The following UNC5D variants were observed in gnomAD, a reference collection of about 807,000 sequenced individuals.
UNC5D encodes the protein netrin receptor UNC5D.
A neutral mutation model predicts 105.4 loss-of-function variants in UNC5D; 39 were observed. The observed-to-expected ratio is 0.37, with a 90% CI of 0.29 to 0.48. UNC5D has a LOEUF of 0.48. UNC5D is among the 20% of genes least tolerant of loss of function. The pLI, the probability that UNC5D is intolerant of heterozygous loss-of-function variation, is 0.98. For synonymous variants in UNC5D, 452 were observed against 450.4 expected, an observed-to-expected ratio of 1.00 and a Z score of -0.04; for missense variants, 991 against 1,202.4, an observed-to-expected ratio of 0.82 and a Z score of 2.60.
chr8:35,712,618 A>G (rs1346257082), intron 8 of UNC5D, among the ~76,000 whole-genome samples: 4 of 152,162 alleles, frequency 2.6e-5, no homozygotes, highest in African/African-American at 9.7e-5. Flanking sequence ...CCTTTCCCCA[A>G]AATGCAGAGG....
At chr8:35,240,235 C>A (rs942632105) in intron 1 of UNC5D, among the ~76,000 whole-genome samples, 1 of 152,184 alleles carries the variant, frequency 6.6e-6, no homozygotes, top group Admixed American at 6.5e-5. Context: ...CAGGTATGAA[C>A]CACCACATCT....
chr8:35,536,782 AG>A, intron 1 of UNC5D, among the ~76,000 whole-genome samples: 1 of 152,074 alleles, frequency 6.6e-6, no homozygotes, highest in Non-Finnish European at 1.5e-5. Context: ...CTGATCATGC[AG>A]TCAGGAGTTT....
intron 11 of UNC5D, among the ~76,000 whole-genome samples, chr8:35,735,879 C>T (rs1829440676): frequency 6.6e-6 from 1 of 152,164 alleles, no homozygotes; most frequent in Non-Finnish European, 1.5e-5. Context: ...TTTGAGAGGA[C>T]CTCATCTCCA....
intron 4 of UNC5D, among the ~76,000 whole-genome samples, chr8:35,624,853 G>A (rs890419069): frequency 3.9e-5 from 6 of 152,180 alleles, no homozygotes; most frequent in African/African-American, 1.2e-4. Context: ...GCCAGCTGCA[G>A]TGAGTCACAT....
chr8:35,651,785 A>T (rs1242187090), intron 4 of UNC5D, among the ~76,000 whole-genome samples: 2 of 152,014 alleles, frequency 1.3e-5, no homozygotes, highest in Non-Finnish European at 2.9e-5. Context: ...TGCTTATTTC[A>T]TGCAATTTTG....
At chr8:35,715,480 A>G (rs1468149722) in intron 8 of UNC5D, among the ~76,000 whole-genome samples, 1 of 152,196 alleles carries the variant, frequency 6.6e-6, no homozygotes, top group East Asian at 1.9e-4. Flanking sequence ...GTTCTTTTTT[A>G]TGTTAACAGT....
chr8:35,684,899 T>C, intron 6 of UNC5D, 150 bp downstream of exon 6: 2 of 1,044,878 alleles, frequency 1.9e-6, no homozygotes, highest in Non-Finnish European at 2.6e-6. Context: ...GTAAAGCTCA[T>C]TGTCATGGCA....
At chr8:35,722,499 A>C in intron 9 of UNC5D, 104 bp downstream of exon 9, 1 of 1,408,118 alleles carries the variant, frequency 7.1e-7, no homozygotes, top group Admixed American at 2.7e-5. Context: ...AGCTCTTGGC[A>C]CTGGGAGCCG....
intron 1 of UNC5D, among the ~76,000 whole-genome samples, chr8:35,239,204 G>A (rs144019391): frequency 1.4e-4 from 22 of 152,172 alleles, no homozygotes; most frequent in Non-Finnish European, 2.8e-4. Context: ...ATGACCTATC[G>A]GTGGGTCTGT....
chr8:35,575,610 A>C (rs558287599), intron 3 of UNC5D, among the ~76,000 whole-genome samples: 1 of 152,298 alleles, frequency 6.6e-6, no homozygotes, highest in Admixed American at 6.5e-5. Flanking sequence ...CTATCTGTTC[A>C]GAATGTGGAT....
intron 1 of UNC5D, among the ~76,000 whole-genome samples, chr8:35,324,895 G>A (rs548027772): frequency 1.3e-5 from 2 of 152,068 alleles, no homozygotes; most frequent in Admixed American, 6.5e-5. Context: ...CCCTTTTTCT[G>A]GCATTGACAT....
intron 1 of UNC5D, among the ~76,000 whole-genome samples, chr8:35,364,911 AATCT>A (rs963954910): frequency 6.6e-6 from 1 of 152,164 alleles, no homozygotes; most frequent in African/African-American, 2.4e-5. Context: ...TGTGAAAGAA[AATCT>A]ATCTGTGTGA....
intron 1 of UNC5D, among the ~76,000 whole-genome samples, chr8:35,396,029 C>T (rs548953802): frequency 1.3e-5 from 2 of 152,230 alleles, no homozygotes; most frequent in East Asian, 3.9e-4. Flanking sequence ...ATGGGAATAC[C>T]AATTTGTAGA....
At chr8:35,770,071 G>T (rs901800081) in intron 15 of UNC5D, among the ~76,000 whole-genome samples, 1 of 152,114 alleles carries the variant, frequency 6.6e-6, no homozygotes, top group Non-Finnish European at 1.5e-5. Context: ...GACCTGGGGA[G>T]GTGCAGGATA....
rs916759567 is a variant in UNC5D at position 35,455,667 on chromosome 8, T to TA, written c.104-93614dup. Reference sequence around the variant, plus strand: ...ACATACCTGAGACTGGGTAATCTATTAAAAAAAAAAACAAAAAAAAACAAA... The same window carrying TA: ...ACATACCTGAGACTGGGTAATCTATTAAAAAAAAAAAACAAAAAAAAACAAA... On this transcript the variant is annotated intron_variant, in intron 1 of 16. Transcript: ENST00000404895. Among the ~76,000 whole-genome samples, 250 of 137,444 alleles carry TA rather than the reference T, an allele frequency of 1.8e-3. 1 individual carries two copies. The highest frequency in any genetic ancestry group is 6.2e-3 in the East Asian group (30 of 4,810). 90.2% of individuals were successfully genotyped at this position (137,444 alleles called of 152,430 possible).
At position 35,348,617 on chromosome 8, in the gene UNC5D, C is replaced by T. The variant is rs1434487162; in HGVS notation, c.103+112730C>T. ...ATTTCTTTGATATTTCAAAGAACGA[C>T]AATGAGAATGACAAACGTTAAAAAT... On this transcript the variant is annotated intron_variant, in intron 1 of 16. Transcript: ENST00000404895. Among the ~76,000 whole-genome samples the T allele has an allele frequency of 2.6e-5, 4 of 151,604 alleles. No individual in the cohort carries two copies. In the East Asian group the frequency reaches 7.7e-4, roughly 29 times the overall value.
At position 35,593,046 on chromosome 8, in the gene UNC5D, T is replaced by TACACAC. The variant is rs200962371; in HGVS notation, c.467-2472_467-2467dup. Among the ~76,000 whole-genome samples, 892 of 141,204 alleles carry TACACAC rather than the reference T, an allele frequency of 6.3e-3. 4 individuals are homozygous for TACACAC. The highest frequency in any genetic ancestry group is 0.024 in the South Asian group (102 of 4,274). The allele number at this position is 141,204 out of a possible 152,430, so 92.6% of individuals were successfully genotyped here. ...TAGGTCCCACTGTCAGTAGTTTTTA[T>TACACAC]ACACACACACACACACACACACACA... On this transcript the variant is annotated intron_variant, in intron 3 of 16. Transcript: ENST00000404895.
intron 1 of UNC5D, among the ~76,000 whole-genome samples, chr8:35,494,532 A>G (rs1313419486): frequency 2.6e-5 from 4 of 152,196 alleles, no homozygotes; most frequent in Non-Finnish European, 5.9e-5. Flanking sequence ...TAGAAAATCA[A>G]TAATCTCTAG....
chr8:35,564,654 T>C (rs1033711225), intron 2 of UNC5D, among the ~76,000 whole-genome samples: 2 of 152,142 alleles, frequency 1.3e-5, no homozygotes, highest in African/African-American at 4.8e-5. Context: ...CACGGATGAA[T>C]TGTATACTAG....
Sources: gnomAD v4.1 joint callset for allele counts (sites outside exome capture counted in the v4.1 genomes callset) on GRCh38, gnomAD v4.1.1 for gene constraint, MANE v1.5 for transcripts, NCBI Gene and HGNC (gene_info 2026-07-23, HGNC 2026-07-21) for gene names.